MAP2K5: variants seen among roughly 807,000 people sequenced by gnomAD.
MAP2K5 encodes the protein dual specificity mitogen-activated protein kinase kinase 5.
MAP2K5 carries 49 observed loss-of-function variants against 83.1 expected under a neutral mutation model. The ratio of observed to expected loss-of-function variants is 0.59; its 90% confidence interval spans 0.47 to 0.75. The LOEUF is 0.75. MAP2K5 is among the 30% of genes least tolerant of loss of function. The pLI, the probability that MAP2K5 is intolerant of heterozygous loss-of-function variation, is 0.00. For synonymous variants in MAP2K5, 202 were observed against 191.8 expected (o/e 1.05, Z -0.44); for missense variants, 457 against 557.5 (o/e 0.82, Z 1.82).
intron 17 of MAP2K5, among the ~76,000 whole-genome samples, chr15:67,734,147 ATTAAT>A (rs1566946169): frequency 1.3e-5 from 2 of 152,220 alleles, no homozygotes; most frequent in African/African-American, 4.8e-5. Context: ...TTTAAAACCG[ATTAAT>A]TTATTTGCTG....
intron 11 of MAP2K5, among the ~76,000 whole-genome samples, chr15:67,656,107 G>A (rs1043367842): frequency 6.6e-6 from 1 of 152,064 alleles, no homozygotes; most frequent in African/African-American, 2.4e-5. Flanking sequence ...AGATCACAGA[G>A]AACAAACCAG....
intron 10 of MAP2K5, 23 bp downstream of exon 10, chr15:67,646,322 T>C (rs907399875): frequency 1.4e-6 from 2 of 1,412,462 alleles, no homozygotes; most frequent in Admixed American, 3.6e-5. Context: ...TAATTTTTAT[T>C]TGTAAAGCAT....
Position 67,543,285 on chromosome 15 carries a change from A to G in MAP2K5, c.-51A>G. ...CACCTCTTGGAGCCCCCTCCTAACC[A>G]GCGGCCAGTGGGTTTCCCATACCCC... is the stretch of plus-strand genomic sequence containing the variant. On this transcript the variant is annotated 5_prime_UTR_variant, in exon 1 of 22. Transcript: ENST00000178640. The surrounding 1 kb of genome is among the most constrained non-coding windows in gnomAD (Gnocchi z 4.3). 6.2e-7 allele frequency: 1 copy of G among 1,609,234 alleles called. No homozygotes were observed.
intron 16 of MAP2K5, among the ~76,000 whole-genome samples, chr15:67,723,223 C>T (rs2141242700): frequency 6.6e-6 from 1 of 152,210 alleles, no homozygotes; most frequent in East Asian, 1.9e-4. Context: ...TGTTAAAATA[C>T]AAAGATTTTT....
chr15:67,712,680 A>C (rs1278690475), intron 16 of MAP2K5, among the ~76,000 whole-genome samples: 1 of 152,214 alleles, frequency 6.6e-6, no homozygotes, highest in Non-Finnish European at 1.5e-5. Context: ...ACACTTTAGG[A>C]GGCCGAGGCA....
At chr15:67,584,365 A>G (rs1050974290) in intron 4 of MAP2K5, among the ~76,000 whole-genome samples, 9 of 152,196 alleles carry the variant, frequency 5.9e-5, no homozygotes, top group Admixed American at 1.3e-4. Flanking sequence ...CTTTGTTTAA[A>G]TGAAATTTAT....
In MAP2K5 at chr15:67,790,733, A is replaced by AC. The variant is rs1596980205; in HGVS notation, c.1243-15913_1243-15912insC. 4.6e-5 allele frequency among the ~76,000 whole-genome samples: 7 copies of AC among 151,892 alleles called. No individual in the cohort carries two copies. Among genetic ancestry groups the AC allele is most frequent in the Middle Eastern group, 3.4e-3 (1 of 294 alleles). ...CAGTCACATAAAAACAAACAAACAA[A>AC]AAAAAAAAAACCTGTGTCCTAATGT... On this transcript the variant is annotated intron_variant, in intron 21 of 21. Coordinates refer to ENST00000178640, the MANE Select transcript of MAP2K5 (RefSeq NM_145160.3). This position sits in a 1 kb window ranked among gnomAD's most constrained non-coding sequence, Gnocchi z 4.6.
At chr15:67,703,157 A>G (rs896903783) in intron 15 of MAP2K5, among the ~76,000 whole-genome samples, 180 bp from the exon 16 acceptor site, 6 of 152,258 alleles carry the variant, frequency 3.9e-5, no homozygotes, top group Non-Finnish European at 5.9e-5. Context: ...TATAATTTCT[A>G]TAGATCATCT....
chr15:67,739,479 TTTTTTTTTTTTTTTTTTTTG>T (rs1566948177), intron 17 of MAP2K5, among the ~76,000 whole-genome samples: 8 of 36,970 alleles, frequency 2.2e-4, no homozygotes, highest in African/African-American at 7.8e-4. Context: ...TTTTTTTTTT[TTTTTTTTTTTTTTTTTTTTG>T]AGATGGAGTC....
In MAP2K5 at chr15:67,702,920, G is replaced by T. The variant is rs916062610; in HGVS notation, c.973-417G>T. Among the ~76,000 whole-genome samples, 1 of 152,148 alleles carries T rather than the reference G, an allele frequency of 6.6e-6. No homozygotes were observed. Among genetic ancestry groups the T allele is most frequent in the East Asian group, 1.9e-4 (1 of 5,196 alleles). On this transcript the variant is annotated intron_variant, in intron 15 of 21. Coordinates refer to ENST00000178640, the MANE Select transcript of MAP2K5 (RefSeq NM_145160.3). The surrounding 1 kb of genome is among the most constrained non-coding windows in gnomAD (Gnocchi z 4.6). The stretch of plus-strand genomic sequence containing the variant: ...CTGTTCCAGACCAATCTATCAAAAT[G>T]CAAATAAGTGATAATATCATATAAT...
chr15:67,723,205 C>T (rs370760935), intron 16 of MAP2K5, among the ~76,000 whole-genome samples: 112 of 152,216 alleles, frequency 7.4e-4, no homozygotes, highest in African/African-American at 2.6e-3. Flanking sequence ...CAATAAATAA[C>T]TTCTTTTTGT....
chr15:67,760,911 G>A lies in MAP2K5; in HGVS notation c.1135-8691G>A, dbSNP rs887698289. Among the ~76,000 whole-genome samples the A allele has an allele frequency of 1.3e-5, 2 of 152,114 alleles. No homozygotes were observed. Among genetic ancestry groups the A allele is most frequent in the Non-Finnish European group, 2.9e-5 (2 of 68,026 alleles). On this transcript the variant is annotated intron_variant, in intron 19 of 21. Coordinates refer to ENST00000178640, the MANE Select transcript of MAP2K5 (RefSeq NM_145160.3). The surrounding 1 kb of genome is among the most constrained non-coding windows in gnomAD (Gnocchi z 4.1). ...AGTTACCCAGCAGCTTGGGCTGGGGGCACTGCTCTGCTTCACTGCCGAGTT... is the reference window on the plus strand; with the variant it reads ...AGTTACCCAGCAGCTTGGGCTGGGGACACTGCTCTGCTTCACTGCCGAGTT...
Position 67,752,897 on chromosome 15 carries a change from GAA to G in MAP2K5, c.1134+4308_1134+4309del, listed in dbSNP as rs11314980. ...ACTCAGAATAGCCAAAACAATCATT[GAA>G]AAAAAAAAAAAGAAAACAATGTTGC... is the stretch of plus-strand genomic sequence containing the variant. On this transcript the variant is annotated intron_variant, in intron 19 of 21. Coordinates refer to ENST00000178640, the MANE Select transcript of MAP2K5 (RefSeq NM_145160.3). 4.2e-3 allele frequency among the ~76,000 whole-genome samples: 601 copies of G among 141,650 alleles called. 3 individuals are homozygous for G. The highest frequency in any genetic ancestry group is 6.3e-3 in the Non-Finnish European group (408 of 64,578). The allele number at this position is 141,650 out of a possible 152,430, so 92.9% of individuals were successfully genotyped here.
In MAP2K5 at chr15:67,572,791, C is replaced by T. The variant is rs2678675; in HGVS notation, c.253-7963C>T. Among the ~76,000 whole-genome samples the T allele has an allele frequency of 0.16, 24,666 of 151,736 alleles. 2,759 individuals are homozygous for T. Among genetic ancestry groups the T allele is most frequent in the African/African-American group, 0.31 (12,911 of 41,332 alleles). ...CTTGGCTCACTGCAAACTCACCTCT[C>T]GGGTTCAAGTGATTCTCCTGCCTCA... is the stretch of plus-strand genomic sequence containing the variant. On this transcript the variant is annotated intron_variant, in intron 3 of 21. Transcript: ENST00000178640. This position sits in a 1 kb window ranked among gnomAD's most constrained non-coding sequence, Gnocchi z 4.2.
In MAP2K5 at chr15:67,785,296, A is replaced by G. The variant is rs1454446078; in HGVS notation, c.1242+12544A>G. 1.3e-5 allele frequency among the ~76,000 whole-genome samples: 2 copies of G among 152,142 alleles called. No homozygotes were observed. Among genetic ancestry groups the G allele is most frequent in the Non-Finnish European group, 2.9e-5 (2 of 68,024 alleles). On this transcript the variant is annotated intron_variant, in intron 21 of 21. Coordinates refer to ENST00000178640, the MANE Select transcript of MAP2K5 (RefSeq NM_145160.3). The surrounding 1 kb of genome is among the most constrained non-coding windows in gnomAD (Gnocchi z 4.4). ...ATAAGGAATTTGTGCCAGGATATAAATCAAGCCTGTCTGAAAGCATTCTGT... is the reference window on the plus strand; with the variant it reads ...ATAAGGAATTTGTGCCAGGATATAAGTCAAGCCTGTCTGAAAGCATTCTGT...
intron 8 of MAP2K5, among the ~76,000 whole-genome samples, chr15:67,625,516 G>A (rs1322034349): frequency 6.6e-6 from 1 of 152,236 alleles, no homozygotes; most frequent in Non-Finnish European, 1.5e-5. Context: ...GTCTTTTGGT[G>A]TAAGCAGAGC....
At chr15:67,697,680 C>T (rs992290084) in intron 15 of MAP2K5, among the ~76,000 whole-genome samples, 15 of 152,118 alleles carry the variant, frequency 9.9e-5, no homozygotes, top group South Asian at 8.3e-4. Context: ...TTTAACTTTT[C>T]GTATTAAGAA....
Position 67,552,608 on chromosome 15 carries a change from A to C in MAP2K5, c.184+2526A>C, listed in dbSNP as rs1352622030. Among the ~76,000 whole-genome samples the C allele has an allele frequency of 6.6e-6, 1 of 151,978 alleles. No individual in the cohort carries two copies. The highest frequency in any genetic ancestry group is 1.5e-5 in the Non-Finnish European group (1 of 68,006). ...CACCTCCACACCTAGCTAATTAAAA[A>C]AATTTTTTTGTAGAAACGGGGTCTT... On this transcript the variant is annotated intron_variant, in intron 2 of 21. Transcript: ENST00000178640. This position sits in a 1 kb window ranked among gnomAD's most constrained non-coding sequence, Gnocchi z 4.2.
chr15:67,769,931 T>C lies in MAP2K5; in HGVS notation c.1196+268T>C. The stretch of plus-strand genomic sequence containing the variant: ...ATGATACTTCTTTAAGCACAAATAC[T>C]GTTGCCATCCTTTTTTAAAAAAAGA... On this transcript the variant is annotated intron_variant, in intron 20 of 21. Transcript: ENST00000178640. This position sits in a 1 kb window ranked among gnomAD's most constrained non-coding sequence, Gnocchi z 5.2. 3.0e-6 allele frequency: 1 copy of C among 335,578 alleles called. No individual in the cohort carries two copies. The highest frequency in any genetic ancestry group is 5.2e-5 in the East Asian group (1 of 19,162). 20.8% of individuals were successfully genotyped at this position (335,578 alleles called of 1,614,324 possible). A position where few individuals can be genotyped will look rare whatever the true frequency, so the allele number is the denominator to read the frequency against.
Sources: gnomAD v4.1 joint callset for allele counts (sites outside exome capture counted in the v4.1 genomes callset) on GRCh38, gnomAD v4.1.1 for gene constraint, Gnocchi (gnomAD v3.1) non-coding constraint, MANE v1.5 for transcripts, NCBI Gene and HGNC (gene_info 2026-07-23, HGNC 2026-07-21) for gene names.